MORN3: variants seen among roughly 807,000 people sequenced by gnomAD.
The protein encoded by MORN3 is MORN repeat-containing protein 3.
A neutral mutation model predicts 34.7 loss-of-function variants in MORN3; 38 were observed. That is an observed-to-expected ratio of 1.10 (90% CI 0.85 to 1.44). The LOEUF (loss-of-function observed/expected upper bound fraction) is 1.44. Among genes scored for constraint, MORN3 ranks in the 40% most tolerant of loss-of-function variants. MORN3 has a pLI of 0.00. For synonymous variants in MORN3, 109 were observed against 115.3 expected, an observed-to-expected ratio of 0.95 and a Z score of 0.35; for missense variants, 311 against 321.7, an observed-to-expected ratio of 0.97 and a Z score of 0.25.
At chr12:121,660,384 C>A (rs1443511555) in intron 1 of MORN3, among the ~76,000 whole-genome samples, 1 of 122,090 alleles carries the variant, frequency 8.2e-6, no homozygotes, top group East Asian at 2.4e-4. Flanking sequence ...CAGAGTCTTG[C>A]TGTGTTGCCC....
chr12:121,662,030 C>A (rs1047416755), intron 1 of MORN3, among the ~76,000 whole-genome samples: 1 of 151,838 alleles, frequency 6.6e-6, no homozygotes, highest in South Asian at 2.1e-4. Flanking sequence ...ACAAATACTG[C>A]ATGATTTTAC....
intron 1 of MORN3, among the ~76,000 whole-genome samples, chr12:121,660,671 T>C (rs1418936766): frequency 1.1e-5 from 1 of 91,716 alleles, no homozygotes; most frequent in East Asian, 3.9e-4. Context: ...TCTTTCTTTC[T>C]TTTTTTTTTT....
chr12:121,668,742 T>C (rs564122850), intron 1 of MORN3, among the ~76,000 whole-genome samples: 1 of 151,974 alleles, frequency 6.6e-6, no homozygotes, highest in South Asian at 2.1e-4. Context: ...GAGTACAGAG[T>C]CTGGAATTGC....
intron 2 of MORN3, among the ~76,000 whole-genome samples, chr12:121,656,645 G>A (rs1893425947): frequency 6.6e-6 from 1 of 152,022 alleles, no homozygotes; most frequent in Non-Finnish European, 1.5e-5. Flanking sequence ...CTCCCTAGCT[G>A]GGACTACAGG....
chr12:121,661,913 AAGGG>A, intron 1 of MORN3, among the ~76,000 whole-genome samples: 1 of 151,126 alleles, frequency 6.6e-6, no homozygotes, highest in African/African-American at 2.4e-5. Context: ...GGAAGGGAGG[AAGGG>A]AGGAAGGAAG....
intron 2 of MORN3, among the ~76,000 whole-genome samples, chr12:121,658,491 G>A (rs1164917434): frequency 4.0e-5 from 6 of 150,962 alleles, no homozygotes; most frequent in Admixed American, 4.0e-4. Flanking sequence ...GCGTGAACCC[G>A]GGAGGCGGAG....
In MORN3 at chr12:121,654,262, T is replaced by TGGGGGGGGGGGGGGGGGCCGGGGGGGGGG; in HGVS notation, c.463+11_463+12insCCCCCCCCCCGGCCCCCCCCCCCCCCCCC. Reference sequence around the variant, plus strand: ...GTCGGGTGGGCGGGGCCGGCGGGGGTGGGGCACTCACTCAGGCGCAGCATG... The same window carrying TGGGGGGGGGGGGGGGGGCCGGGGGGGGGG: ...GTCGGGTGGGCGGGGCCGGCGGGGGTGGGGGGGGGGGGGGGGGCCGGGGGGGGGGGGGGCACTCACTCAGGCGCAGCATG... On this transcript the variant is annotated intron_variant, in intron 3 of 5. Transcript: ENST00000355329. The TGGGGGGGGGGGGGGGGGCCGGGGGGGGGG allele has an allele frequency of 6.8e-7, 1 of 1,469,640 alleles. No individual in the cohort carries two copies. The highest frequency in any genetic ancestry group is 9.0e-7 in the Non-Finnish European group (1 of 1,108,214). The allele number at this position is 1,469,640 out of a possible 1,614,324, so 91.0% of individuals were successfully genotyped here.
At position 121,652,091 on chromosome 12, in the gene MORN3, ACGCCCAG is replaced by A. The variant is rs1555325151; in HGVS notation, c.*7-454_*7-448del. Among the ~76,000 whole-genome samples the A allele has an allele frequency of 1.1e-4, 17 of 151,620 alleles. No individual in the cohort carries two copies. The East Asian group carries it at 3.3e-3, about 30-fold the overall frequency. ...GCTGGAATTACAGGTGCCCTCCCCC[ACGCCCAG>A]CTAATTTTTGTGTTTTTAGTACAGA... is the stretch of plus-strand genomic sequence containing the variant. On this transcript the variant is annotated intron_variant, in intron 5 of 5. Transcript: ENST00000355329.
intron 1 of MORN3, among the ~76,000 whole-genome samples, chr12:121,668,402 G>A (rs1000250885): frequency 6.6e-6 from 1 of 152,198 alleles, no homozygotes; most frequent in South Asian, 2.1e-4. Context: ...GTAGCCAGGC[G>A]TGGTGGCACA....
Position 121,659,298 on chromosome 12 carries a change from A to C in MORN3, c.196T>G (p.Trp66Gly), listed in dbSNP as rs957527585. The stretch of plus-strand genomic sequence containing the variant: ...TAGCCGTCTCGCTTCCCAAACTTCC[A>C]GTCCCCCTCATAGATGGCTCCTTTC... ...KKKGAIYEGD[W>G]KFGKRDGYGT... The change falls in exon 2 of 6, where the codon TGG becomes GGG. Residue 66 changes from tryptophan (W) to glycine (G), a missense_variant. By Grantham distance (184) the Trp-to-Gly change is radical. Transcript: ENST00000355329. 2.5e-6 allele frequency: 4 copies of C among 1,613,832 alleles called. No individual in the cohort carries two copies. Among genetic ancestry groups the C allele is most frequent in the African/African-American group, 1.3e-5 (1 of 74,842 alleles).
At chr12:121,660,335 T>C (rs1185593661) in intron 1 of MORN3, among the ~76,000 whole-genome samples, 1 of 137,736 alleles carries the variant, frequency 7.3e-6, no homozygotes, top group Non-Finnish European at 1.5e-5. Flanking sequence ...TGTTTTCTCT[T>C]TTTTTTTCTT....
At chr12:121,652,918 C>T in intron 4 of MORN3, 110 bp from the exon 5 acceptor site, 4 of 1,445,816 alleles carry the variant, frequency 2.8e-6, no homozygotes, top group Non-Finnish European at 3.8e-6. Context: ...TCAGGAGCCA[C>T]CTCCCTTGCT....
intron 1 of MORN3, among the ~76,000 whole-genome samples, chr12:121,668,614 T>C (rs1352047951): frequency 1.3e-5 from 2 of 152,076 alleles, no homozygotes; most frequent in South Asian, 2.1e-4. Context: ...TTCAGGAGGC[T>C]TGGACAGGAG....
Position 121,659,183 on chromosome 12 carries a change from C to T in MORN3, c.303+8G>A. ...CACACACACACCCCGGCTGGCAGGC[C>T]TGCTCACCGATTTCTTATCACCTTT... On this transcript the variant is annotated splice_region_variant and intron_variant, in intron 2 of 5. Transcript: ENST00000355329. The T allele has an allele frequency of 1.2e-6, 2 of 1,610,412 alleles. No homozygotes were observed. The highest frequency in any genetic ancestry group is 1.7e-6 in the Non-Finnish European group (2 of 1,177,540).
intron 1 of MORN3, 106 bp downstream of exon 1, chr12:121,669,233 G>T: frequency 6.8e-7 from 1 of 1,464,752 alleles, no homozygotes; most frequent in Non-Finnish European, 9.4e-7. Flanking sequence ...GGAGCCTTGG[G>T]GACACATCTC....
Position 121,659,167 on chromosome 12 carries a change from A to ACACC in MORN3, c.303+23_303+24insGGTG, listed in dbSNP as rs1555326052. 64 of 1,554,026 alleles carry ACACC rather than the reference A, an allele frequency of 4.1e-5. 1 individual carries two copies. The highest frequency in any genetic ancestry group is 3.4e-4 in the Middle Eastern group (2 of 5,908). On this transcript the variant is annotated intron_variant, in intron 2 of 5. Transcript: ENST00000355329. ...CACACACACACACACACACACACAC[A>ACACC]CCCCGGCTGGCAGGCCTGCTCACCG...
chr12:121,669,424 C>T lies in MORN3; in HGVS notation c.60G>A (p.Lys20=). 1.2e-6 allele frequency: 2 copies of T among 1,614,138 alleles called. No individual in the cohort carries two copies. The highest frequency in any genetic ancestry group is 2.2e-5 in the South Asian group (2 of 91,088). The change falls in exon 1 of 6, where the codon AAG becomes AAA. Residue 20 remains lysine (K), a synonymous_variant. Transcript: ENST00000355329. The stretch of plus-strand genomic sequence containing the variant: ...GGCTCCGCAGGCCGTTCCTCTGGGC[C>T]TTCCGGTCCCACCCCTTCCACAGGG... ...SESLWKGWDR[K]AQRNGLRSQV... is the part of the protein sequence containing the mutation.
intron 1 of MORN3, among the ~76,000 whole-genome samples, chr12:121,664,728 TA>T (rs1468284398): frequency 2.6e-5 from 4 of 151,818 alleles, no homozygotes; most frequent in African/African-American, 7.3e-5. Context: ...CTAGGCCTGC[TA>T]GGGGGGCGGA....
intron 1 of MORN3, 76 bp downstream of exon 1, chr12:121,669,263 C>T: frequency 6.3e-7 from 1 of 1,579,662 alleles, no homozygotes; most frequent in East Asian, 2.3e-5. Context: ...GTGAGCTCTG[C>T]ACTCTGCCTT....
Sources: allele counts gnomAD v4.1 joint callset (sites outside exome capture counted in the v4.1 genomes callset), GRCh38; gene constraint gnomAD v4.1.1; transcripts MANE v1.5; gene names NCBI Gene and HGNC (gene_info 2026-07-23, HGNC 2026-07-21).